Variants in PSD3 observed in about 807,000 individuals in gnomAD.
PSD3 encodes the protein pleckstrin and Sec7 domain containing 3.
Under a neutral mutation model 105.5 loss-of-function variants are expected in PSD3, and 49 were observed. That is an observed-to-expected ratio of 0.46 (90% CI 0.37 to 0.59). PSD3 has a LOEUF of 0.59. PSD3 is among the 20% of genes least tolerant of loss of function. The pLI, the probability that PSD3 is intolerant of heterozygous loss-of-function variation, is 0.00. For missense variants in PSD3, 1,561 were observed against 1,263.8 expected, an observed-to-expected ratio of 1.24 and a Z score of -3.57; for synonymous variants, 557 against 457.8, an observed-to-expected ratio of 1.22 and a Z score of -2.77.
chr8:19,076,437 A>G (rs193029838), intron 1 of PSD3, among the ~76,000 whole-genome samples: 2 of 152,118 alleles, frequency 1.3e-5, no homozygotes, highest in African/African-American at 4.8e-5. Context: ...TACTAAAAAT[A>G]AAAAAGAGCT....
At chr8:18,912,476 G>A (rs1337333476) in intron 2 of PSD3, among the ~76,000 whole-genome samples, 1 of 151,832 alleles carries the variant, frequency 6.6e-6, no homozygotes, top group Non-Finnish European at 1.5e-5. Context: ...CTTTCAGAAG[G>A]AAAAAAATAT....
At chr8:18,634,940 T>C (rs1002226099) in intron 10 of PSD3, among the ~76,000 whole-genome samples, 10 of 152,184 alleles carry the variant, frequency 6.6e-5, no homozygotes, top group African/African-American at 2.4e-4. Flanking sequence ...GATTCTCCTT[T>C]ACCCACTAAC....
intron 7 of PSD3, among the ~76,000 whole-genome samples, chr8:18,799,793 G>C (rs780736113): frequency 3.9e-5 from 6 of 152,156 alleles, no homozygotes; most frequent in Non-Finnish European, 7.3e-5. Context: ...TCTCCAAGTA[G>C]AGTTAAGATT....
At chr8:18,926,105 G>T (rs1332095447) in intron 2 of PSD3, among the ~76,000 whole-genome samples, 1 of 144,658 alleles carries the variant, frequency 6.9e-6, no homozygotes, top group Non-Finnish European at 1.5e-5. Flanking sequence ...CATATTAATG[G>T]TATGTTGTTT....
chr8:18,695,731 A>G (rs942678460), intron 9 of PSD3, among the ~76,000 whole-genome samples: 1 of 152,230 alleles, frequency 6.6e-6, no homozygotes, highest in African/African-American at 2.4e-5. Flanking sequence ...ATTATCTTGT[A>G]AAGTTGAATT....
At position 18,532,389 on chromosome 8, in the gene PSD3, C is replaced by T. The variant is rs1027940827; in HGVS notation, c.*3354G>A. The T allele has an allele frequency of 1.3e-5, 2 of 152,352 alleles. No individual in the cohort carries two copies. Among genetic ancestry groups the T allele is most frequent in the East Asian group, 1.9e-4 (1 of 5,184 alleles). The allele number at this position is 152,352 out of a possible 1,614,324, so 9.4% of individuals were successfully genotyped here. ...CTTCCAGAGTAAATTCCTCATGTCA[C>T]TTTTGCCCAGGGGCCAGTCCTCATT... is the stretch of plus-strand genomic sequence containing the variant. On this transcript the variant is annotated 3_prime_UTR_variant, in exon 16 of 16. Transcript: ENST00000327040.
chr8:18,739,745 G>T (rs1318787511), intron 9 of PSD3, among the ~76,000 whole-genome samples: 2 of 152,100 alleles, frequency 1.3e-5, no homozygotes, highest in Admixed American at 6.5e-5. Context: ...AATTCAGTGT[G>T]AAATAATCAA....
chr8:18,655,726 C>T, intron 9 of PSD3, 41 bp from the exon 10 acceptor site: 1 of 1,580,296 alleles, frequency 6.3e-7, no homozygotes, highest in South Asian at 1.1e-5. Flanking sequence ...TCTTTCCATT[C>T]TGTTCCACAT....
At chr8:18,824,561 G>A (rs988522005) in intron 4 of PSD3, among the ~76,000 whole-genome samples, 12 of 152,126 alleles carry the variant, frequency 7.9e-5, no homozygotes, top group African/African-American at 2.2e-4. Flanking sequence ...AATGGTTTCT[G>A]CTTCCCAGAA....
At chr8:18,798,501 A>T (rs987524809) in intron 8 of PSD3, among the ~76,000 whole-genome samples, 1 of 152,146 alleles carries the variant, frequency 6.6e-6, no homozygotes, top group African/African-American at 2.4e-5. Flanking sequence ...CCAAAAAAGG[A>T]AATTATGTGA....
chr8:18,654,976 T>C (rs1274967354), intron 10 of PSD3, among the ~76,000 whole-genome samples: 1 of 152,150 alleles, frequency 6.6e-6, no homozygotes, highest in Admixed American at 6.5e-5. Context: ...TATTACATTT[T>C]GCAATACACA....
intron 15 of PSD3, among the ~76,000 whole-genome samples, chr8:18,555,274 T>G (rs1801001804): frequency 1.3e-5 from 2 of 151,974 alleles, no homozygotes; most frequent in Admixed American, 1.3e-4. Flanking sequence ...CACTGATCGC[T>G]AGGATGTGGA....
At chr8:18,728,065 A>G (rs1803464548) in intron 9 of PSD3, among the ~76,000 whole-genome samples, 2 of 150,770 alleles carry the variant, frequency 1.3e-5, no homozygotes, top group African/African-American at 2.5e-5. Context: ...GAAAAACAGA[A>G]AAAAAAAAGC....
In PSD3 at chr8:18,556,356, C is replaced by G. The variant is rs374847367; in HGVS notation, c.2785-4G>C. The G allele has an allele frequency of 1.3e-4, 217 of 1,607,606 alleles. No homozygotes were observed. The highest frequency in any genetic ancestry group is 1.8e-4 in the Non-Finnish European group (207 of 1,177,812). On this transcript the variant is annotated splice_region_variant and splice_polypyrimidine_tract_variant and intron_variant, in intron 14 of 15. Coordinates refer to ENST00000327040, the MANE Select transcript of PSD3 (RefSeq NM_015310.4). The stretch of plus-strand genomic sequence containing the variant: ...CATGTGACTTCAGTTGCTCCTCCTG[C>G]AGGAAATCATGATGCCATTTAGCGT...
intron 1 of PSD3, among the ~76,000 whole-genome samples, chr8:19,010,367 T>C (rs539775823): frequency 6.6e-6 from 1 of 152,334 alleles, no homozygotes; most frequent in East Asian, 1.9e-4. Flanking sequence ...GAAAAACCTT[T>C]CTTTTGGTAG....
At chr8:18,684,735 G>C (rs930730381) in intron 9 of PSD3, among the ~76,000 whole-genome samples, 1 of 152,182 alleles carries the variant, frequency 6.6e-6, no homozygotes, top group South Asian at 2.1e-4. Flanking sequence ...AGGAGACTGA[G>C]AAAATGACTG....
chr8:18,674,391 C>T lies in PSD3; in HGVS notation c.2173-18706G>A, dbSNP rs28405889. 9.6e-3 allele frequency among the ~76,000 whole-genome samples: 1,454 copies of T among 152,214 alleles called. 20 individuals carry two copies. The highest frequency in any genetic ancestry group is 0.033 in the African/African-American group (1,352 of 41,522). On this transcript the variant is annotated intron_variant, in intron 9 of 15. Transcript: ENST00000327040. Reference sequence around the variant, plus strand: ...TTCTGTGGAACTTAAATAGTGAACACGTCTATCTGGTTTCCATGTTTCAAA... The same window carrying T: ...TTCTGTGGAACTTAAATAGTGAACATGTCTATCTGGTTTCCATGTTTCAAA...
chr8:18,865,286 A>ATTTTTTTTT lies in PSD3; in HGVS notation c.1634+2379_1634+2387dup, dbSNP rs375872604. On this transcript the variant is annotated intron_variant, in intron 4 of 15. Coordinates refer to ENST00000327040, the MANE Select transcript of PSD3 (RefSeq NM_015310.4). ...TATATATATATATATATATATATAT[A>ATTTTTTTTT]TTTTTTTTTTTTTTTTTTTTTTTAA... The ATTTTTTTTT allele has an allele frequency of 1.1e-3, 16 of 14,094 alleles. 1 individual carries two copies. The highest frequency in any genetic ancestry group is 2.7e-3 in the Admixed American group (2 of 750). The allele number at this position is 14,094 out of a possible 1,614,324, so 0.9% of individuals were successfully genotyped here.
intron 2 of PSD3, among the ~76,000 whole-genome samples, chr8:18,916,897 G>C (rs1820654755): frequency 6.6e-6 from 1 of 151,106 alleles, no homozygotes; most frequent in African/African-American, 2.4e-5. Context: ...GAAAAAAAAG[G>C]AAATAAGGGA....
Sources: allele counts gnomAD v4.1 joint callset (sites outside exome capture counted in the v4.1 genomes callset), GRCh38; gene constraint gnomAD v4.1.1; transcripts MANE v1.5; gene names NCBI Gene and HGNC (gene_info 2026-07-23, HGNC 2026-07-21).